Variants in PIKFYVE observed in about 807,000 individuals in gnomAD.
PIKFYVE encodes phosphoinositide kinase, FYVE-type zinc finger containing.
A neutral mutation model predicts 257.9 loss-of-function variants in PIKFYVE; 122 were observed. The ratio of observed to expected loss-of-function variants is 0.47; its 90% CI spans 0.41 to 0.55. The LOEUF is 0.55. Ranked by LOEUF, PIKFYVE falls within the 20% of genes least tolerant of loss-of-function variation. The probability of loss-of-function intolerance (pLI) is 0.00; values close to 1 mark genes in which losing one functional copy is unlikely to be tolerated. For missense variants in PIKFYVE, 2,160 were observed against 2,536.6 expected (o/e 0.85, Z 3.19); for synonymous variants, 892 against 868.9 (o/e 1.03, Z -0.47).
intron 6 of PIKFYVE, among the ~76,000 whole-genome samples, chr2:208,286,622 G>A (rs1397056407): frequency 1.3e-5 from 2 of 151,844 alleles, no homozygotes; most frequent in Non-Finnish European, 2.9e-5. Context: ...GGGCAGCCTC[G>A]AATCCCCTCT....
At chr2:208,280,161 C>T (rs145263096) in intron 5 of PIKFYVE, among the ~76,000 whole-genome samples, 16 of 152,244 alleles carry the variant, frequency 1.1e-4, no homozygotes, top group Non-Finnish European at 8.8e-5. Flanking sequence ...TTAATATGGT[C>T]GGTATGTTAG....
At chr2:208,270,378 G>T (rs1322199949) in intron 1 of PIKFYVE, among the ~76,000 whole-genome samples, 1 of 152,054 alleles carries the variant, frequency 6.6e-6, no homozygotes, top group Non-Finnish European at 1.5e-5. Context: ...GTTATCCATG[G>T]TTCTTCTCTT....
At chr2:208,280,685 T>G (rs1690688978) in intron 5 of PIKFYVE, among the ~76,000 whole-genome samples, 1 of 152,204 alleles carries the variant, frequency 6.6e-6, no homozygotes, top group Non-Finnish European at 1.5e-5. Context: ...CATCTGTAAG[T>G]GGCTCAAGTC....
intron 10 of PIKFYVE, 56 bp from the exon 11 acceptor site, chr2:208,304,115 C>G: frequency 6.4e-7 from 1 of 1,557,884 alleles, no homozygotes; most frequent in Admixed American, 1.7e-5. Context: ...GTGTGACAGC[C>G]TCAACATTGT....
At chr2:208,346,641 A>G (rs1699259553) in intron 34 of PIKFYVE, among the ~76,000 whole-genome samples, 2 of 152,214 alleles carry the variant, frequency 1.3e-5, no homozygotes, top group South Asian at 4.1e-4. Flanking sequence ...TGGAGCTGGG[A>G]TTTGAATTTG....
intron 7 of PIKFYVE, among the ~76,000 whole-genome samples, chr2:208,297,376 A>G (rs1342579892): frequency 6.6e-6 from 1 of 152,200 alleles, no homozygotes; most frequent in Admixed American, 6.5e-5. Context: ...TAAATAACCA[A>G]TTATTTTTAA....
At chr2:208,349,911 TTTTTAC>T (rs1344518013) in intron 35 of PIKFYVE, 107 bp from the exon 36 acceptor site, 18 of 1,487,816 alleles carry the variant, frequency 1.2e-5, no homozygotes, top group Non-Finnish European at 1.5e-5. Flanking sequence ...GAGTAGGATA[TTTTTAC>T]TTTTAATTTG....
chr2:208,325,187 T>A (rs1696776744), intron 19 of PIKFYVE, 83 bp from the exon 20 acceptor site: 1 of 1,559,610 alleles, frequency 6.4e-7, no homozygotes, highest in South Asian at 1.1e-5. Flanking sequence ...CTTTTACAGA[T>A]ATTAAGAGAG....
intron 1 of PIKFYVE, among the ~76,000 whole-genome samples, chr2:208,267,940 G>A (rs1321252559): frequency 2.6e-5 from 4 of 152,156 alleles, no homozygotes; most frequent in African/African-American, 9.7e-5. Context: ...AGCCACGTCC[G>A]GCCTTTACTG....
In PIKFYVE at chr2:208,355,406, T is replaced by A. The variant is rs1036230709; in HGVS notation, c.*101T>A. On this transcript the variant is annotated 3_prime_UTR_variant, in exon 42 of 42. Coordinates refer to ENST00000264380, the MANE Select transcript of PIKFYVE (RefSeq NM_015040.4). ...TTTATTTCTTCATCGTGTTCACCAC[T>A]GTATGCCAAGGCTTTTCAGTTCTGT... 7.7e-6 allele frequency: 7 copies of A among 905,810 alleles called. No homozygotes were observed. The highest frequency in any genetic ancestry group is 1.1e-5 in the Non-Finnish European group (6 of 567,738). 56.1% of individuals were successfully genotyped at this position (905,810 alleles called of 1,614,324 possible). A position where few individuals can be genotyped will look rare whatever the true frequency, so the allele number is the denominator to read the frequency against.
At chr2:208,293,152 A>G (rs1424017445) in intron 7 of PIKFYVE, among the ~76,000 whole-genome samples, 2 of 151,648 alleles carry the variant, frequency 1.3e-5, no homozygotes, top group East Asian at 1.9e-4. Flanking sequence ...TTACTTTCAA[A>G]TAATACTATA....
chr2:208,351,486 A>C lies in PIKFYVE; in HGVS notation c.5715+31A>C, dbSNP rs752759371. On this transcript the variant is annotated intron_variant, in intron 38 of 41. Coordinates refer to ENST00000264380, the MANE Select transcript of PIKFYVE (RefSeq NM_015040.4). ...AATCTAAAACCATGGTCTGTAATCA[A>C]AGTTTGGTGGCTTTTTTCACATCCT... 4 of 1,536,766 alleles carry C rather than the reference A, an allele frequency of 2.6e-6. No individual in the cohort carries two copies. The African/African-American group carries it at 5.5e-5, about 21-fold the overall frequency.
rs1399425064 is a variant in PIKFYVE at position 208,310,141 on chromosome 2, TGAA to T, written c.1637-2094_1637-2092del. On this transcript the variant is annotated intron_variant, in intron 12 of 41. Coordinates refer to ENST00000264380, the MANE Select transcript of PIKFYVE (RefSeq NM_015040.4). ...AGTTTGCTGAGTGTTATAGTCAAGA[TGAA>T]CACTGATTATCAGAAAATAAAGATT... is the stretch of plus-strand genomic sequence containing the variant. Among the ~76,000 whole-genome samples, 104 of 152,336 alleles carry T rather than the reference TGAA, an allele frequency of 6.8e-4. 1 individual carries two copies. Among genetic ancestry groups the T allele is most frequent in the Middle Eastern group, 3.4e-3 (1 of 294 alleles).
chr2:208,333,400 A>T lies in PIKFYVE; in HGVS notation c.4049A>T (p.Tyr1350Phe). 6.2e-7 allele frequency: 1 copy of T among 1,614,100 alleles called. No homozygotes were observed. The highest frequency in any genetic ancestry group is 1.1e-5 in the South Asian group (1 of 91,076). Residue 1350 changes from tyrosine to phenylalanine, a missense_variant, in exon 24 of 42, where the codon TAT becomes TTT. Around this residue, in one of 12 missense-constraint regions of PIKFYVE, gnomAD observed 699 missense variants for 855.8 expected, o/e 0.82. Coordinates refer to ENST00000264380, the MANE Select transcript of PIKFYVE (RefSeq NM_015040.4). ...GAACTTAGGTTTTATGGGCACCAGT[A>T]TACTCGCAGAGCCAACGCTGAGCCC... ...YLELRFYGHQ[Y>F]TRRANAEPCG...
Position 208,325,435 on chromosome 2 carries a change from A to G in PIKFYVE, c.2624A>G (p.Asp875Gly), listed in dbSNP as rs1367809149. 6 of 1,614,040 alleles carry G rather than the reference A, an allele frequency of 3.7e-6. No individual in the cohort carries two copies. Among genetic ancestry groups the G allele is most frequent in the African/African-American group, 2.7e-5 (2 of 74,906 alleles). ...HSQLEISFLM[D>G]EFAMPPTLMQ... is the part of the protein sequence containing the mutation. ...CAACTAGAAATATCCTTTCTCATGG[A>G]TGAATTTGCTATGCCTCCCACATTA... Residue 875 changes from aspartate to glycine, a missense_variant, in exon 20 of 42, where the codon GAT becomes GGT. This residue lies in a region of PIKFYVE where 522 missense variants were observed against 514.6 expected (regional missense o/e 1.01). Coordinates refer to ENST00000264380, the MANE Select transcript of PIKFYVE (RefSeq NM_015040.4).
intron 1 of PIKFYVE, among the ~76,000 whole-genome samples, chr2:208,269,071 A>G (rs1216409033): frequency 6.6e-6 from 1 of 152,118 alleles, no homozygotes; most frequent in Non-Finnish European, 1.5e-5. Flanking sequence ...CAAAGGTAAA[A>G]TGTCATAAAG....
Position 208,350,018 on chromosome 2 carries a change from T to C in PIKFYVE, c.5375-6T>C, listed in dbSNP as rs1454039874. The C allele has an allele frequency of 1.9e-6, 3 of 1,611,514 alleles. No homozygotes were observed. Among genetic ancestry groups the C allele is most frequent in the East Asian group, 4.5e-5 (2 of 44,670 alleles). Reference sequence around the variant, plus strand: ...TTGGCTTTACTAATGATATTAAACCTTTTAGATGAAGTAGATGGAGGAGAT... The same window carrying C: ...TTGGCTTTACTAATGATATTAAACCCTTTAGATGAAGTAGATGGAGGAGAT... On this transcript the variant is annotated splice_polypyrimidine_tract_variant and splice_region_variant and intron_variant, in intron 35 of 41. Coordinates refer to ENST00000264380, the MANE Select transcript of PIKFYVE (RefSeq NM_015040.4).
At position 208,286,006 on chromosome 2, in the gene PIKFYVE, A is replaced by G. The variant is rs112316014; in HGVS notation, c.821+73A>G. On this transcript the variant is annotated intron_variant, in intron 6 of 41. Transcript: ENST00000264380. ...AGTTGTCTGACCTTTGAGTGCTTTCAGTTAACACTTACCCTCTTAGAATTA... is the reference window on the plus strand; with the variant it reads ...AGTTGTCTGACCTTTGAGTGCTTTCGGTTAACACTTACCCTCTTAGAATTA... The G allele has an allele frequency of 5.8e-6, 8 of 1,381,540 alleles. No individual in the cohort carries two copies. The East Asian group carries it at 1.9e-4, about 33-fold the overall frequency. The allele number at this position is 1,381,540 out of a possible 1,614,324, so 85.6% of individuals were successfully genotyped here.
intron 16 of PIKFYVE, 41 bp downstream of exon 16, chr2:208,317,982 G>A (rs756619828): frequency 4.5e-6 from 7 of 1,568,980 alleles, no homozygotes. Context: ...AGCAAACCAT[G>A]GCTGTGTGCT....
Sources: allele counts gnomAD v4.1 joint callset (sites outside exome capture counted in the v4.1 genomes callset), GRCh38; gene constraint gnomAD v4.1.1; regional missense constraint gnomAD v4.1.1; transcripts MANE v1.5; gene names NCBI Gene and HGNC (gene_info 2026-07-23, HGNC 2026-07-21).